WAPL: variants seen among roughly 807,000 people sequenced by gnomAD.
The protein encoded by WAPL is WAPL cohesin release factor, also known as wings apart-like protein homolog.
Under a neutral mutation model 121.0 loss-of-function variants are expected in WAPL, and 5 were observed. The observed-to-expected ratio is 0.04, with a 90% CI of 0.02 to 0.09. WAPL has a LOEUF of 0.09. Ranked by LOEUF, WAPL falls within the 10% of genes least tolerant of loss-of-function variation. The pLI is 1.00. For missense variants in WAPL, 999 were observed against 1,410.8 expected (o/e 0.71, Z 4.68); for synonymous variants, 480 against 481.5 (o/e 1.00, Z 0.04).
At position 86,461,887 on chromosome 10, in the gene WAPL, G is replaced by A. The variant is rs548638022; in HGVS notation, c.2371-600C>T. ...GACTGATTGTCTTTTCTTATTATTT[G>A]GTGTATTTTGTCTATTCTGCATACA... On this transcript the variant is annotated intron_variant, in intron 9 of 18. Coordinates refer to ENST00000298767, the MANE Select transcript of WAPL (RefSeq NM_015045.5). 1.6e-4 allele frequency among the ~76,000 whole-genome samples: 24 copies of A among 152,046 alleles called. No homozygotes were observed. The South Asian group carries it at 2.9e-3, about 18-fold the overall frequency.
chr10:86,469,258 T>TAAATCAGCACAC (rs2132190182), intron 8 of WAPL, among the ~76,000 whole-genome samples: 1 of 502 alleles, frequency 2.0e-3, no homozygotes, highest in African/African-American at 0.045. Flanking sequence ...TTTTTTTTTT[T>TAAATCAGCACAC]TTTTTTTTTT....
chr10:86,471,015 A>G lies in WAPL; in HGVS notation c.2119T>C (p.Leu707=). 1 of 1,613,826 alleles carries G rather than the reference A, an allele frequency of 6.2e-7. No homozygotes were observed. The highest frequency in any genetic ancestry group is 1.3e-5 in the African/African-American group (1 of 75,042). ...HGMVAMVFKT[L]DDSQHHQNLS... is the part of the protein sequence containing the mutation. ...ACCTGATGGTGCTGGGAATCATCCA[A>G]GGTTTTAAAGACCATTGCTACCATC... The change falls in exon 8 of 19, where the codon TTG becomes CTG. Residue 707 remains leucine, a synonymous_variant. Coordinates refer to ENST00000298767, the MANE Select transcript of WAPL (RefSeq NM_015045.5).
At chr10:86,506,156 G>T (rs1283349301) in intron 2 of WAPL, among the ~76,000 whole-genome samples, 1 of 152,110 alleles carries the variant, frequency 6.6e-6, no homozygotes. Context: ...GATTACCTGT[G>T]CCCAGAAGAT....
At chr10:86,507,623 A>G (rs1217005944) in intron 2 of WAPL, among the ~76,000 whole-genome samples, 4 of 151,952 alleles carry the variant, frequency 2.6e-5, no homozygotes, top group Non-Finnish European at 5.9e-5. Context: ...AATCTTCCGC[A>G]TTCCATCTCA....
intron 18 of WAPL, 72 bp from the exon 19 acceptor site, chr10:86,437,680 T>G: frequency 6.7e-7 from 1 of 1,499,430 alleles, no homozygotes; most frequent in Middle Eastern, 1.7e-4. Flanking sequence ...TAAATAAAAG[T>G]TTACCTCTAG....
intron 4 of WAPL, among the ~76,000 whole-genome samples, chr10:86,476,063 A>G (rs775423111): frequency 5.3e-5 from 8 of 152,206 alleles, no homozygotes; most frequent in Admixed American, 2.0e-4. Context: ...AAGAGAAATT[A>G]TTTTTAAAAA....
In WAPL at chr10:86,467,473, T is replaced by C; in HGVS notation, c.2176A>G (p.Ile726Val). 1.2e-6 allele frequency: 2 copies of C among 1,613,942 alleles called. No individual in the cohort carries two copies. Among genetic ancestry groups the C allele is most frequent in the Non-Finnish European group, 1.7e-6 (2 of 1,179,998 alleles). Residue 726 changes from isoleucine (I) to valine (V), a missense_variant, in exon 9 of 19, where the codon ATA (isoleucine) becomes GTA (valine). Physicochemically the swap from Ile to Val is conservative, Grantham distance 29. Coordinates refer to ENST00000298767, the MANE Select transcript of WAPL (RefSeq NM_015045.5). ...LSLCTAALMY[I>V]LSRDRLNMDL... ...ATGTTCAAACGATCTCTACTCAGTA[T>C]ATACATGAGGGCAGCTGTACAGAGG... is the stretch of plus-strand genomic sequence containing the variant.
At chr10:86,458,838 A>T in intron 12 of WAPL, 151 bp downstream of exon 12, 1 of 534,808 alleles carries the variant, frequency 1.9e-6, no homozygotes, top group Non-Finnish European at 3.2e-6. Context: ...CTGTACTCTT[A>T]AAACTTTTGT....
intron 2 of WAPL, among the ~76,000 whole-genome samples, chr10:86,509,021 GC>G (rs1842406295): frequency 6.6e-6 from 1 of 152,192 alleles, no homozygotes; most frequent in Non-Finnish European, 1.5e-5. Flanking sequence ...GGGATTACAG[GC>G]GTAAGCCACC....
At chr10:86,477,506 G>A (rs541689473) in intron 4 of WAPL, among the ~76,000 whole-genome samples, 128 of 152,238 alleles carry the variant, frequency 8.4e-4, no homozygotes, top group Non-Finnish European at 1.4e-3. Flanking sequence ...ATTCTTGTTT[G>A]AAAAGCAGAT....
At chr10:86,444,481 T>C (rs933707881) in intron 16 of WAPL, among the ~76,000 whole-genome samples, 3 of 152,334 alleles carry the variant, frequency 2.0e-5, no homozygotes, top group African/African-American at 7.2e-5. Context: ...TTATGGAATA[T>C]TATTTGTCTA....
intron 17 of WAPL, 150 bp from the exon 18 acceptor site, chr10:86,438,165 T>C: frequency 7.7e-6 from 4 of 519,596 alleles, no homozygotes; most frequent in Non-Finnish European, 1.4e-5. Flanking sequence ...ACACTCACTC[T>C]GCATGTGATT....
chr10:86,475,226 A>G (rs1280920538), intron 4 of WAPL, among the ~76,000 whole-genome samples: 3 of 152,240 alleles, frequency 2.0e-5, no homozygotes, highest in African/African-American at 7.2e-5. Context: ...CTGCATAATT[A>G]CAAAGACAAA....
At chr10:86,482,568 A>G (rs1841816064) in intron 4 of WAPL, among the ~76,000 whole-genome samples, 1 of 152,232 alleles carries the variant, frequency 6.6e-6, no homozygotes, top group Admixed American at 6.5e-5. Context: ...CCGAGCCTAC[A>G]GCTGACCAGG....
At chr10:86,475,130 C>A (rs1340504853) in intron 4 of WAPL, among the ~76,000 whole-genome samples, 2 of 152,198 alleles carry the variant, frequency 1.3e-5, no homozygotes, top group Non-Finnish European at 2.9e-5. Flanking sequence ...AGTTTTAACA[C>A]TGAATTTCCG....
In WAPL at chr10:86,457,265, GA is replaced by G. The variant is rs1841170471; in HGVS notation, c.2657+1723del. ...AACATTTTGGGAGGTCAAGGCAGGA[GA>G]ATCACTTAAGCCCACGAGTTTGAGA... On this transcript the variant is annotated intron_variant, in intron 12 of 18. Transcript: ENST00000298767. 3.6e-5 allele frequency among the ~76,000 whole-genome samples: 5 copies of G among 139,944 alleles called. No individual in the cohort carries two copies. The South Asian group carries it at 1.1e-3, about 32-fold the overall frequency. 91.8% of individuals were successfully genotyped at this position (139,944 alleles called of 152,430 possible).
In WAPL at chr10:86,453,765, A is replaced by C. The variant is rs1301123994; in HGVS notation, c.2724T>G (p.Ala908=). 3 of 1,614,072 alleles carry C rather than the reference A, an allele frequency of 1.9e-6. No individual in the cohort carries two copies. Among genetic ancestry groups the C allele is most frequent in the Non-Finnish European group, 1.7e-6 (2 of 1,180,034 alleles). ...YNRAEDSICL[A]DSKPLPHQNV... is the part of the protein sequence containing the mutation. ...TCTGGTGAGGCAGAGGCTTACTGTC[A>C]GCTAAGCATATGCTGTCCTCAGCAC... is the stretch of plus-strand genomic sequence containing the variant. The change falls in exon 13 of 19, where the codon GCT becomes GCG. Residue 908 remains alanine, a synonymous_variant. Transcript: ENST00000298767.
chr10:86,479,758 A>G (rs1841739213), intron 4 of WAPL, among the ~76,000 whole-genome samples: 1 of 152,230 alleles, frequency 6.6e-6, no homozygotes, highest in African/African-American at 2.4e-5. Flanking sequence ...AAGTACTGCA[A>G]TGCATAACTA....
chr10:86,461,659 A>T (rs762381079), intron 9 of WAPL, among the ~76,000 whole-genome samples: 6 of 152,226 alleles, frequency 3.9e-5, no homozygotes, highest in Non-Finnish European at 8.8e-5. Flanking sequence ...CACTCTCAGG[A>T]GCAAAGTGTG....
Sources: gnomAD v4.1 joint callset for allele counts (sites outside exome capture counted in the v4.1 genomes callset) on GRCh38, gnomAD v4.1.1 for gene constraint, MANE v1.5 for transcripts, NCBI Gene and HGNC (gene_info 2026-07-23, HGNC 2026-07-21) for gene names.